CABLES1: variants seen among roughly 807,000 people sequenced by gnomAD.
The protein encoded by CABLES1 is Cdk5 and Abl enzyme substrate 1.
Under a neutral mutation model 57.8 loss-of-function variants are expected in CABLES1, and 36 were observed. The observed-to-expected ratio is 0.62, with a 90% confidence interval of 0.48 to 0.82. The LOEUF (loss-of-function observed/expected upper bound fraction) is 0.82. Ranked by LOEUF, CABLES1 falls within the 40% of genes least tolerant of loss-of-function variation. The pLI is 0.00. For missense variants in CABLES1, 767 were observed against 836.6 expected, an observed-to-expected ratio of 0.92 and a Z score of 1.03; for synonymous variants, 374 against 363.0, an observed-to-expected ratio of 1.03 and a Z score of -0.35.
intron 4 of CABLES1, among the ~76,000 whole-genome samples, chr18:23,225,119 G>T (rs1475324068): frequency 6.6e-6 from 1 of 151,538 alleles, no homozygotes; most frequent in South Asian, 2.1e-4. Flanking sequence ...CTCCCACCTC[G>T]GCCTTCTAAA....
chr18:23,152,882 A>G (rs1046250945), intron 1 of CABLES1, among the ~76,000 whole-genome samples: 5 of 148,342 alleles, frequency 3.4e-5, no homozygotes, highest in Admixed American at 6.8e-5. Flanking sequence ...GCTCACTACA[A>G]CCTCCACCTC....
intron 1 of CABLES1, among the ~76,000 whole-genome samples, chr18:23,183,240 G>A (rs1458504879): frequency 6.6e-6 from 1 of 152,222 alleles, no homozygotes; most frequent in East Asian, 1.9e-4. Context: ...AGGTTCTTCT[G>A]TGTACTTTCT....
At chr18:23,246,615 T>C (rs1441864663) in intron 7 of CABLES1, among the ~76,000 whole-genome samples, 3 of 151,056 alleles carry the variant, frequency 2.0e-5, no homozygotes, top group African/African-American at 7.4e-5. Flanking sequence ...ATGGTCTCGA[T>C]CTCCTGACCT....
At chr18:23,243,611 G>A (rs2047797324) in intron 7 of CABLES1, among the ~76,000 whole-genome samples, 1 of 151,380 alleles carries the variant, frequency 6.6e-6, no homozygotes, top group African/African-American at 2.4e-5. Context: ...GGTGGCTCAT[G>A]CCTGTAATCC....
At chr18:23,254,396 CA>C in intron 9 of CABLES1, among the ~76,000 whole-genome samples, 1 of 152,314 alleles carries the variant, frequency 6.6e-6, no homozygotes, top group African/African-American at 2.4e-5. Flanking sequence ...CCTAGCAAAG[CA>C]AGGAAACATC....
chr18:23,248,808 A>G (rs566551861), intron 7 of CABLES1, among the ~76,000 whole-genome samples: 1 of 152,336 alleles, frequency 6.6e-6, no homozygotes, highest in South Asian at 2.1e-4. Context: ...CTGGGCAACA[A>G]GAGCGAAACT....
At position 23,136,620 on chromosome 18, in the gene CABLES1, G is replaced by A. The variant is rs1372154229; in HGVS notation, c.845+13G>A. 7.3e-7 allele frequency: 1 copy of A among 1,373,604 alleles called. No individual in the cohort carries two copies. Among genetic ancestry groups the A allele is most frequent in the African/African-American group, 1.5e-5 (1 of 66,970 alleles). 85.1% of individuals were successfully genotyped at this position (1,373,604 alleles called of 1,614,324 possible). On this transcript the variant is annotated intron_variant, in intron 1 of 9. Coordinates refer to ENST00000256925, the MANE Select transcript of CABLES1 (RefSeq NM_001100619.3). ...TGCAGAGGTCCCGGTGAGTATCCGGGATGCGACGCGCACCCAACCCTGCGT... is the reference window on the plus strand; with the variant it reads ...TGCAGAGGTCCCGGTGAGTATCCGGAATGCGACGCGCACCCAACCCTGCGT...
chr18:23,253,998 A>G, intron 9 of CABLES1, 62 bp downstream of exon 9: 1 of 1,445,964 alleles, frequency 6.9e-7, no homozygotes, highest in Non-Finnish European at 9.7e-7. Context: ...TTCCTCTCTC[A>G]GAAGGATTCG....
intron 1 of CABLES1, among the ~76,000 whole-genome samples, chr18:23,144,364 G>A (rs4800148): frequency 0.75 from 114,196 of 152,172 alleles, 43,128 homozygotes; most frequent in Middle Eastern, 0.82. Context: ...ACCCCACAAC[G>A]TTCTAGGTCT....
At chr18:23,244,638 C>T (rs920489407) in intron 7 of CABLES1, among the ~76,000 whole-genome samples, 4 of 152,206 alleles carry the variant, frequency 2.6e-5, no homozygotes, top group South Asian at 2.1e-4. Context: ...GCCCGAATGC[C>T]GGTATACAAG....
chr18:23,135,668 C>T lies in CABLES1; in HGVS notation c.-95C>T, dbSNP rs1598791088. 1 of 974,560 alleles carries T rather than the reference C, an allele frequency of 1.0e-6. No individual in the cohort carries two copies. The allele number at this position is 974,560 out of a possible 1,614,324, so 60.4% of individuals were successfully genotyped here. On this transcript the variant is annotated 5_prime_UTR_variant, in exon 1 of 10. Transcript: ENST00000256925. ...ACGCCGCCCGATCCCCGCGCCCTACCCAGCCCGGGTCGCCGCCGCTCGCGC... is the reference window on the plus strand; with the variant it reads ...ACGCCGCCCGATCCCCGCGCCCTACTCAGCCCGGGTCGCCGCCGCTCGCGC...
chr18:23,168,551 C>A (rs1335576927), intron 1 of CABLES1, among the ~76,000 whole-genome samples: 2 of 152,110 alleles, frequency 1.3e-5, no homozygotes, highest in Admixed American at 6.6e-5. Flanking sequence ...TGATGGCTGT[C>A]CAACAATGTA....
At chr18:23,145,086 C>G (rs927484686) in intron 1 of CABLES1, among the ~76,000 whole-genome samples, 3 of 152,090 alleles carry the variant, frequency 2.0e-5, no homozygotes, top group African/African-American at 7.2e-5. Context: ...CAGGTGCCTG[C>G]CACCATGCCC....
chr18:23,148,114 C>A (rs1342974268), intron 1 of CABLES1, among the ~76,000 whole-genome samples: 3 of 151,490 alleles, frequency 2.0e-5, no homozygotes, highest in Non-Finnish European at 4.4e-5. Flanking sequence ...CTCAGCCTCC[C>A]GAGTAGCTGG....
At chr18:23,246,623 C>A (rs1261157706) in intron 7 of CABLES1, among the ~76,000 whole-genome samples, 3 of 151,674 alleles carry the variant, frequency 2.0e-5, no homozygotes, top group Non-Finnish European at 4.4e-5. Context: ...GATCTCCTGA[C>A]CTTGTGATCC....
rs1227375131 is a variant in CABLES1, at chr18:23,206,116, T to C, written c.1011-7861T>C. The stretch of plus-strand genomic sequence containing the variant: ...GTGGTGCTCTGACTTCGTGAGCTTT[T>C]CTGCCCATCTGACAGCGCCTGCCTG... On this transcript the variant is annotated intron_variant, in intron 3 of 9. Transcript: ENST00000256925. Among the ~76,000 whole-genome samples the C allele has an allele frequency of 2.1e-4, 32 of 152,182 alleles. 1 individual carries two copies. Among genetic ancestry groups the C allele is most frequent in the Non-Finnish European group, 1.8e-4 (12 of 68,022 alleles).
intron 7 of CABLES1, among the ~76,000 whole-genome samples, chr18:23,246,503 T>C (rs1055614635): frequency 3.3e-5 from 5 of 151,840 alleles, no homozygotes; most frequent in Non-Finnish European, 7.4e-5. Flanking sequence ...GCCATTCTCC[T>C]GCGTCAGCCT....
chr18:23,214,129 C>T (rs747145575), intron 4 of CABLES1, 75 bp downstream of exon 4: 2 of 1,035,758 alleles, frequency 1.9e-6, no homozygotes, highest in Admixed American at 4.5e-5. Context: ...TGTGGCCATC[C>T]TTTCCATTTT....
At position 23,257,226 on chromosome 18, in the gene CABLES1, G is replaced by GAAACTGGAAGAGAAGTTCCGGCT; in HGVS notation, c.1762_1784dup (p.Arg597TrpfsTer7). The GAAACTGGAAGAGAAGTTCCGGCT allele has an allele frequency of 6.2e-7, 1 of 1,602,404 alleles. No individual in the cohort carries two copies. Among genetic ancestry groups the GAAACTGGAAGAGAAGTTCCGGCT allele is most frequent in the Non-Finnish European group, 8.5e-7 (1 of 1,177,390 alleles). On this transcript the variant is annotated frameshift_variant and splice_region_variant. Transcript: ENST00000256925. LOFTEE classifies it high-confidence loss of function. ...TGCTTTTGATTTTCTTTTTGTTGCA[G>GAAACTGGAAGAGAAGTTCCGGCT]AAACTGGAAGAGAAGTTCCGGCTGA...
Sources: gnomAD v4.1 joint callset for allele counts (sites outside exome capture counted in the v4.1 genomes callset) on GRCh38, gnomAD v4.1.1 for gene constraint, MANE v1.5 for transcripts, NCBI Gene and HGNC (gene_info 2026-07-23, HGNC 2026-07-21) for gene names.